The following SPPL2A variants were observed in gnomAD, a reference collection of about 807,000 sequenced individuals.
SPPL2A encodes signal peptide peptidase-like 2A.
Under a neutral mutation model 63.8 loss-of-function variants are expected in SPPL2A, and 51 were observed. That is an observed-to-expected ratio of 0.80 (90% CI 0.64 to 1.01). SPPL2A has a LOEUF of 1.01. Among genes scored for constraint, SPPL2A ranks in the 50% least tolerant of loss-of-function variants. The probability of loss-of-function intolerance (pLI) is 0.00; values close to 1 mark genes in which losing one functional copy is unlikely to be tolerated. For synonymous variants in SPPL2A, 188 were observed against 205.8 expected, an observed-to-expected ratio of 0.91 and a Z score of 0.74; for missense variants, 553 against 622.7, an observed-to-expected ratio of 0.89 and a Z score of 1.19.
At position 50,748,216 on chromosome 15, in the gene SPPL2A, A is replaced by T; in HGVS notation, c.361-14T>A. ...TGAGGGAGGAAACTAAAAAAGAAAA[A>T]ATTATGAAAACTTATTTACTACTAA... is the stretch of plus-strand genomic sequence containing the variant. On this transcript the variant is annotated splice_polypyrimidine_tract_variant and intron_variant, in intron 3 of 14. Coordinates refer to ENST00000261854, the MANE Select transcript of SPPL2A (RefSeq NM_032802.4). The T allele has an allele frequency of 8.6e-7, 1 of 1,166,072 alleles. No homozygotes were observed. The highest frequency in any genetic ancestry group is 2.8e-5 in the East Asian group (1 of 35,218). 72.2% of individuals were successfully genotyped at this position (1,166,072 alleles called of 1,614,324 possible).
At chr15:50,729,599 C>T (rs574147391) in intron 10 of SPPL2A, among the ~76,000 whole-genome samples, 8 of 151,148 alleles carry the variant, frequency 5.3e-5, no homozygotes, top group South Asian at 2.1e-4. Flanking sequence ...CCAGCTTGGG[C>T]GGCAGACCGA....
At position 50,747,512 on chromosome 15, in the gene SPPL2A, C is replaced by A. The variant is rs1440884590; in HGVS notation, c.567G>T (p.Trp189Cys). 6.2e-7 allele frequency: 1 copy of A among 1,610,488 alleles called. No homozygotes were observed. The highest frequency in any genetic ancestry group is 1.3e-5 in the African/African-American group (1 of 74,772). The part of the protein sequence containing the change: ...AVFTVALGGY[W>C]SGLVELENLK... ...AAACTTACAATTCAACTAGTCCACT[C>A]CAGTATCCACCTAATGCCACAGTGA... The change falls in exon 5 of 15, where the codon TGG (tryptophan) becomes TGT (cysteine). Residue 189 changes from tryptophan to cysteine, a missense_variant. Coordinates refer to ENST00000261854, the MANE Select transcript of SPPL2A (RefSeq NM_032802.4).
intron 5 of SPPL2A, among the ~76,000 whole-genome samples, chr15:50,745,363 C>T (rs903146622): frequency 5.3e-5 from 8 of 151,964 alleles, no homozygotes; most frequent in Non-Finnish European, 8.8e-5. Context: ...GTGGGCCAGG[C>T]TGATCTCGAA....
chr15:50,726,920 T>C (rs11855605), intron 10 of SPPL2A, among the ~76,000 whole-genome samples: 46,107 of 152,076 alleles, frequency 0.3, 7,526 homozygotes, highest in East Asian at 0.57. Context: ...CCCTATAGAA[T>C]CTGAGAAGCT....
chr15:50,733,275 A>G (rs2062744862), intron 8 of SPPL2A, among the ~76,000 whole-genome samples: 1 of 152,202 alleles, frequency 6.6e-6, no homozygotes, highest in African/African-American at 2.4e-5. Flanking sequence ...GAAGCTGCAT[A>G]AAGCTGTATG....
chr15:50,735,565 A>G (rs2141038978), intron 8 of SPPL2A, among the ~76,000 whole-genome samples: 1 of 151,470 alleles, frequency 6.6e-6, no homozygotes, highest in African/African-American at 2.4e-5. Context: ...ACACACACAC[A>G]CATATTTTTT....
Position 50,725,279 on chromosome 15 carries a change from T to C in SPPL2A, c.1191A>G (p.Val397=). 2 of 1,609,392 alleles carry C rather than the reference T, an allele frequency of 1.2e-6. No homozygotes were observed. The highest frequency in any genetic ancestry group is 1.1e-5 in the South Asian group (1 of 90,448). The change falls in exon 12 of 15, where the codon GTA becomes GTG. Residue 397 remains valine (V), a synonymous_variant. Coordinates refer to ENST00000261854, the MANE Select transcript of SPPL2A (RefSeq NM_032802.4). ...IRVPKLIYFS[V]MSVCLMPVSI... ...AAACAGGCATGAGGCACACACTCAT[T>C]ACTGAGAAATAGATCAGTTTTGGTA...
rs1567166732 is a variant in SPPL2A, at chr15:50,754,347, T to A, written c.67-4601A>T. On this transcript the variant is annotated intron_variant, in intron 1 of 14. Transcript: ENST00000261854. Reference sequence around the variant, plus strand: ...TACATCCTATGGGTTTTGATAAGTGTACAATGACACATATCCATCATTACA... The same window carrying A: ...TACATCCTATGGGTTTTGATAAGTGAACAATGACACATATCCATCATTACA... 1.3e-5 allele frequency among the ~76,000 whole-genome samples: 2 copies of A among 152,192 alleles called. 1 individual carries two copies. Among genetic ancestry groups the A allele is most frequent in the South Asian group, 4.1e-4 (2 of 4,836 alleles).
rs182604291 is a variant in SPPL2A at position 50,745,966 on chromosome 15, G to T, written c.584+1529C>A. 3.1e-3 allele frequency among the ~76,000 whole-genome samples: 469 copies of T among 151,544 alleles called. 1 individual carries two copies. Among genetic ancestry groups the T allele is most frequent in the African/African-American group, 0.011 (458 of 41,250 alleles). ...CTAAAGAGGCTGAGGCAGGGGAAGC[G>T]CTTGAATCTGGGAGGCAGAGGTTGC... On this transcript the variant is annotated intron_variant, in intron 5 of 14. Coordinates refer to ENST00000261854, the MANE Select transcript of SPPL2A (RefSeq NM_032802.4).
intron 6 of SPPL2A, among the ~76,000 whole-genome samples, chr15:50,739,322 G>T (rs1262617645): frequency 2.6e-5 from 4 of 151,850 alleles, no homozygotes; most frequent in Non-Finnish European, 5.9e-5. Flanking sequence ...GGGATTACAG[G>T]CACGTGCCAC....
intron 14 of SPPL2A, among the ~76,000 whole-genome samples, chr15:50,708,430 G>A (rs1006563688): frequency 4.6e-5 from 7 of 152,092 alleles, no homozygotes; most frequent in East Asian, 1.9e-4. Flanking sequence ...TTGCTAGGCC[G>A]GGCGCAGTGG....
intron 1 of SPPL2A, among the ~76,000 whole-genome samples, chr15:50,760,272 A>C (rs1175723344): frequency 7.5e-6 from 1 of 133,480 alleles, no homozygotes; most frequent in Non-Finnish European, 1.6e-5. Context: ...TTTTTTTTTT[A>C]TTTCCCCCAA....
chr15:50,759,482 G>T (rs1039451724), intron 1 of SPPL2A, among the ~76,000 whole-genome samples: 1 of 152,028 alleles, frequency 6.6e-6, no homozygotes, highest in Non-Finnish European at 1.5e-5. Flanking sequence ...AGTGGCTCAC[G>T]CCTGTAATCC....
chr15:50,758,039 A>G lies in SPPL2A; in HGVS notation c.66+7429T>C, dbSNP rs1057103895. Reference sequence around the variant, plus strand: ...CGCGGTGGCTCACGCCTGTAATCCCAGCACTTTGGGAGGCTGAGGTGGGTG... The same window carrying G: ...CGCGGTGGCTCACGCCTGTAATCCCGGCACTTTGGGAGGCTGAGGTGGGTG... On this transcript the variant is annotated intron_variant, in intron 1 of 14. Coordinates refer to ENST00000261854, the MANE Select transcript of SPPL2A (RefSeq NM_032802.4). 2.7e-4 allele frequency among the ~76,000 whole-genome samples: 40 copies of G among 148,342 alleles called. 1 individual carries two copies. The highest frequency in any genetic ancestry group is 9.2e-4 in the African/African-American group (37 of 40,368).
intron 12 of SPPL2A, among the ~76,000 whole-genome samples, chr15:50,724,543 G>T (rs1327119667): frequency 6.6e-6 from 1 of 150,586 alleles, no homozygotes; most frequent in East Asian, 1.9e-4. Flanking sequence ...ATGCCACTGC[G>T]CTCCAGCCTG....
At chr15:50,734,232 T>C (rs1245970790) in intron 8 of SPPL2A, among the ~76,000 whole-genome samples, 3 of 152,094 alleles carry the variant, frequency 2.0e-5, no homozygotes, top group Non-Finnish European at 4.4e-5. Context: ...AGCCAAGATA[T>C]GGAATCAACC....
chr15:50,738,359 G>C (rs761678003), intron 6 of SPPL2A, among the ~76,000 whole-genome samples: 10 of 152,036 alleles, frequency 6.6e-5, no homozygotes, highest in Admixed American at 4.6e-4. Flanking sequence ...GACCAGCCTG[G>C]TCAACATAGT....
At position 50,739,739 on chromosome 15, in the gene SPPL2A, A is replaced by G. The variant is rs1291692496; in HGVS notation, c.674T>C (p.Ile225Thr). ...CATAACACAGCAGATGACCACAAAT[A>G]TTACAACTGTAAGAGGACTAAAAGT... ...YLTFSPLTVV[I>T]FVVICCVMMV... Residue 225 changes from isoleucine (I) to threonine (T), a missense_variant, in exon 6 of 15, where the codon ATA (isoleucine) becomes ACA (threonine). Transcript: ENST00000261854. 1.9e-6 allele frequency: 3 copies of G among 1,602,860 alleles called. No homozygotes were observed. The highest frequency in any genetic ancestry group is 8.5e-7 in the Non-Finnish European group (1 of 1,175,522).
intron 11 of SPPL2A, chr15:50,726,068 C>T (rs965860339): frequency 1.1e-5 from 16 of 1,456,146 alleles, no homozygotes; most frequent in Non-Finnish European, 1.4e-5. Context: ...AAATACAATC[C>T]TTACTTTCTC....
Sources: gnomAD v4.1 joint callset for allele counts (sites outside exome capture counted in the v4.1 genomes callset) on GRCh38, gnomAD v4.1.1 for gene constraint, MANE v1.5 for transcripts, NCBI Gene and HGNC (gene_info 2026-07-23, HGNC 2026-07-21) for gene names.